Variants in MYPN observed in about 807,000 individuals in gnomAD.
The protein encoded by MYPN is myopalladin, also known as sarcomeric protein myopalladin, 145 kDa (MYOP).
In MYPN, 63 loss-of-function variants were observed where a neutral mutation model predicts 129.4. The observed-to-expected ratio is 0.49, with a 90% CI of 0.40 to 0.60. The LOEUF (loss-of-function observed/expected upper bound fraction) is 0.60, where lower values mean the gene tolerates loss of function less well. MYPN is among the 20% of genes least tolerant of loss of function. The probability of loss-of-function intolerance (pLI) is 0.00; values close to 1 mark genes in which losing one functional copy is unlikely to be tolerated. For synonymous variants in MYPN, 629 were observed against 600.9 expected (o/e 1.05, Z -0.68); for missense variants, 1,596 against 1,635.4 (o/e 0.98, Z 0.42).
chr10:68,113,119 C>A (rs1374762984), intron 1 of MYPN, among the ~76,000 whole-genome samples: 1 of 152,192 alleles, frequency 6.6e-6, no homozygotes, highest in Non-Finnish European at 1.5e-5. Flanking sequence ...ATTAATTACA[C>A]ATCACCAGCA....
At chr10:68,199,286 C>A in intron 16 of MYPN, 82 bp from the exon 17 acceptor site, 2 of 1,374,378 alleles carry the variant, frequency 1.5e-6, no homozygotes, top group Non-Finnish European at 2.0e-6. Flanking sequence ...CTGTTTGGTG[C>A]CAAGCAAGGA....
At chr10:68,158,358 A>C in intron 6 of MYPN, 128 bp from the exon 7 acceptor site, 3 of 848,276 alleles carry the variant, frequency 3.5e-6, no homozygotes, top group South Asian at 1.5e-5. Context: ...TGAAGCTGCT[A>C]GAGATGTAGA....
chr10:68,198,104 A>G (rs2043641818), intron 16 of MYPN, among the ~76,000 whole-genome samples: 1 of 152,264 alleles, frequency 6.6e-6, no homozygotes, highest in Admixed American at 6.5e-5. Flanking sequence ...GAGGACTACT[A>G]TAATTCAGAC....
At chr10:68,146,077 A>T (rs1329093794) in intron 4 of MYPN, among the ~76,000 whole-genome samples, 1 of 152,222 alleles carries the variant, frequency 6.6e-6, no homozygotes, top group African/African-American at 2.4e-5. Context: ...GAAAAAGATT[A>T]TCTATGAGAA....
chr10:68,089,712 T>G (rs2041922432), intron 1 of MYPN, among the ~76,000 whole-genome samples: 1 of 152,180 alleles, frequency 6.6e-6, no homozygotes, highest in Non-Finnish European at 1.5e-5. Flanking sequence ...CTTTTGTTGT[T>G]GAAGTATCAA....
intron 18 of MYPN, among the ~76,000 whole-genome samples, chr10:68,205,263 C>T (rs946774947): frequency 9.2e-5 from 14 of 152,172 alleles, no homozygotes; most frequent in African/African-American, 3.4e-4. Context: ...TCCCCTCTGT[C>T]TTCCCCAGGC....
At chr10:68,161,298 C>T (rs552857322) in intron 7 of MYPN, among the ~76,000 whole-genome samples, 1 of 152,236 alleles carries the variant, frequency 6.6e-6, no homozygotes, top group East Asian at 1.9e-4. Flanking sequence ...GAGTTCAAGA[C>T]CAGCCTGGCC....
intron 1 of MYPN, among the ~76,000 whole-genome samples, chr10:68,112,779 G>T (rs1009345146): frequency 6.6e-6 from 1 of 152,100 alleles, no homozygotes; most frequent in Non-Finnish European, 1.5e-5. Flanking sequence ...AATTACTAAT[G>T]CCGTTCACAC....
upstream of MYPN, among the ~76,000 whole-genome samples, chr10:68,102,303 A>T (rs2041985742): frequency 6.6e-6 from 1 of 151,338 alleles, no homozygotes; most frequent in African/African-American, 2.4e-5. Flanking sequence ...TATTTTTTAA[A>T]TTTTTTATAG....
Position 68,203,147 on chromosome 10 carries a change from C to T in MYPN, c.3659+1153C>T, listed in dbSNP as rs143168399. Among the ~76,000 whole-genome samples, 529 of 152,262 alleles carry T rather than the reference C, an allele frequency of 3.5e-3. 2 individuals are homozygous for T. Among genetic ancestry groups the T allele is most frequent in the Middle Eastern group, 0.02 (6 of 294 alleles). ...ACCAGCTCGGTTTAGTCACCACTTC[C>T]TGGGGAAGGCAGTGGCAGGGGAGGG... On this transcript the variant is annotated intron_variant, in intron 18 of 19. Transcript: ENST00000358913.
chr10:68,192,980 G>C (rs931878431), intron 13 of MYPN, among the ~76,000 whole-genome samples: 7 of 151,678 alleles, frequency 4.6e-5, no homozygotes, highest in African/African-American at 1.7e-4. Flanking sequence ...TTCATCTCTT[G>C]TATTTTTGGT....
chr10:68,148,133 G>A (rs79044605), intron 4 of MYPN, among the ~76,000 whole-genome samples: 1 of 152,006 alleles, frequency 6.6e-6, no homozygotes, highest in Non-Finnish European at 1.5e-5. Flanking sequence ...TGAGAACAAC[G>A]GCCCAAGGAC....
At chr10:68,093,021 A>T (rs989599274) in intron 1 of MYPN, among the ~76,000 whole-genome samples, 3 of 152,122 alleles carry the variant, frequency 2.0e-5, no homozygotes, top group African/African-American at 7.2e-5. Context: ...TACATCAAAA[A>T]TTATCTGAAA....
chr10:68,185,394 G>A (rs1309278066), intron 12 of MYPN, among the ~76,000 whole-genome samples: 5 of 152,088 alleles, frequency 3.3e-5, no homozygotes, highest in Non-Finnish European at 5.9e-5. Flanking sequence ...TTTACCCATA[G>A]CAAGAGTCCC....
At chr10:68,141,839 G>A (rs1251877261) in intron 2 of MYPN, among the ~76,000 whole-genome samples, 2 of 152,104 alleles carry the variant, frequency 1.3e-5, no homozygotes, top group Non-Finnish European at 2.9e-5. Flanking sequence ...CACCCTATAT[G>A]CACTATTTTG....
At chr10:68,087,905 C>G (rs2041914556) in exon 1 of MYPN, among the ~76,000 whole-genome samples, 1 of 152,174 alleles carries the variant, frequency 6.6e-6, no homozygotes, top group Non-Finnish European at 1.5e-5. Context: ...GCAGCCTTTC[C>G]TGCCCTCAAC....
At position 68,165,578 on chromosome 10, in the gene MYPN, T is replaced by A. The variant is rs1045979722; in HGVS notation, c.1484-124T>A. 7 of 792,932 alleles carry A rather than the reference T, an allele frequency of 8.8e-6. No individual in the cohort carries two copies. The Admixed American group carries it at 1.4e-4, about 15-fold the overall frequency. 49.1% of individuals were successfully genotyped at this position (792,932 alleles called of 1,614,324 possible). ...CAAACAATTGTTTTGACCAATTGTT[T>A]TCAAAGAATTAATATAGCCAGCTTT... is the stretch of plus-strand genomic sequence containing the variant. On this transcript the variant is annotated intron_variant, in intron 8 of 19. Transcript: ENST00000358913.
intron 7 of MYPN, among the ~76,000 whole-genome samples, chr10:68,159,109 G>C (rs547240925): frequency 6.6e-6 from 1 of 151,974 alleles, no homozygotes. Flanking sequence ...CTTTTTTAAG[G>C]CTTTTAAAAT....
chr10:68,182,350 A>G (rs2043336059), intron 12 of MYPN, among the ~76,000 whole-genome samples: 1 of 99,262 alleles, frequency 1.0e-5, no homozygotes, highest in Non-Finnish European at 2.2e-5. Context: ...CATATATAAC[A>G]TATATATAAC....
Sources: allele counts gnomAD v4.1 joint callset (sites outside exome capture counted in the v4.1 genomes callset), GRCh38; gene constraint gnomAD v4.1.1; transcripts MANE v1.5; gene names NCBI Gene and HGNC (gene_info 2026-07-23, HGNC 2026-07-21).